PACRG: variants seen among roughly 807,000 people sequenced by gnomAD.
PACRG encodes parkin coregulated, also known as parkin coregulated gene protein.
In PACRG, 29 loss-of-function variants were observed where a neutral mutation model predicts 29.7. The ratio of observed to expected loss-of-function variants is 0.98; its 90% CI spans 0.73 to 1.33. The LOEUF (loss-of-function observed/expected upper bound fraction) is 1.33, where lower values mean the gene tolerates loss of function less well. Among genes scored for constraint, PACRG ranks in the 40% most tolerant of loss-of-function variants. The pLI is 0.00. For synonymous variants in PACRG, 116 were observed against 118.7 expected, an observed-to-expected ratio of 0.98 and a Z score of 0.15; for missense variants, 279 against 316.2, an observed-to-expected ratio of 0.88 and a Z score of 0.89.
chr6:163,126,035 T>C (rs908009786), intron 4 of PACRG, among the ~76,000 whole-genome samples: 1 of 152,242 alleles, frequency 6.6e-6, no homozygotes, highest in Non-Finnish European at 1.5e-5. Flanking sequence ...ATCTGACAGA[T>C]GGTCTGTGTG....
intron 4 of PACRG, among the ~76,000 whole-genome samples, chr6:163,183,708 T>C (rs1397311159): frequency 1.3e-5 from 2 of 152,244 alleles, no homozygotes; most frequent in Non-Finnish European, 2.9e-5. Context: ...GACTAAAGAA[T>C]TGTAAAACTT....
intron 2 of PACRG, among the ~76,000 whole-genome samples, chr6:162,933,316 T>C (rs1797989704): frequency 6.6e-6 from 1 of 152,148 alleles, no homozygotes; most frequent in Non-Finnish European, 1.5e-5. Context: ...GAAGAATGTG[T>C]ATATTACAGT....
chr6:163,135,031 A>G (rs1816873040), intron 4 of PACRG, among the ~76,000 whole-genome samples: 1 of 152,170 alleles, frequency 6.6e-6, no homozygotes, highest in Non-Finnish European at 1.5e-5. Context: ...TACTCTCAGT[A>G]TATATATCTG....
chr6:163,165,449 A>G (rs550419280), intron 4 of PACRG: 15 of 152,508 alleles, frequency 9.8e-5, no homozygotes, highest in African/African-American at 3.6e-4. Context: ...GGGGAGTGAC[A>G]TCACTCATCC....
chr6:163,151,024 T>A (rs1426514916), intron 4 of PACRG, among the ~76,000 whole-genome samples: 1 of 152,200 alleles, frequency 6.6e-6, no homozygotes, highest in Non-Finnish European at 1.5e-5. Context: ...TTATTTTTGA[T>A]GAGGAACCAT....
At chr6:163,058,776 T>G (rs1254507480) in intron 2 of PACRG, among the ~76,000 whole-genome samples, 1 of 152,172 alleles carries the variant, frequency 6.6e-6, no homozygotes, top group Non-Finnish European at 1.5e-5. Flanking sequence ...GGCAGGCACC[T>G]GTGGTCCCAG....
chr6:163,036,510 T>G (rs774439776), intron 2 of PACRG, among the ~76,000 whole-genome samples: 2 of 152,230 alleles, frequency 1.3e-5, no homozygotes, highest in Non-Finnish European at 2.9e-5. Context: ...CCCCTTTCAG[T>G]TGGCAAAGAA....
chr6:163,251,727 A>G (rs78419991), intron 4 of PACRG, among the ~76,000 whole-genome samples: 1,830 of 152,320 alleles, frequency 0.012, 38 homozygotes, highest in African/African-American at 0.042. Context: ...TTGGCATGCA[A>G]TGTAAAATAC....
upstream of PACRG, chr6:162,727,776 C>G: frequency 8.4e-7 from 1 of 1,186,368 alleles, no homozygotes; most frequent in Non-Finnish European, 1.2e-6. Flanking sequence ...TCCAGGCCTC[C>G]CCGCCCCCGC....
intron 1 of PACRG, among the ~76,000 whole-genome samples, chr6:162,791,670 C>T (rs569897888): frequency 5.3e-5 from 8 of 152,206 alleles, no homozygotes; most frequent in Non-Finnish European, 8.8e-5. Flanking sequence ...TCCACGTGGG[C>T]GCTTTTGCTT....
chr6:162,849,723 C>T (rs1790703072), intron 2 of PACRG, among the ~76,000 whole-genome samples: 1 of 152,112 alleles, frequency 6.6e-6, no homozygotes. Flanking sequence ...ATCATAGTGG[C>T]AAATTAGACT....
At chr6:162,943,767 C>T (rs982743899) in intron 2 of PACRG, among the ~76,000 whole-genome samples, 7 of 152,208 alleles carry the variant, frequency 4.6e-5, no homozygotes, top group Non-Finnish European at 7.4e-5. Context: ...GACAGGCTTA[C>T]CCAACCTGCC....
intron 4 of PACRG, 114 bp downstream of exon 4, chr6:163,089,522 C>A: frequency 4.7e-6 from 6 of 1,275,898 alleles, no homozygotes; most frequent in Non-Finnish European, 6.5e-6. Flanking sequence ...AACCATGATC[C>A]ATTTGGAGAT....
rs557871441 is a variant in PACRG at position 163,063,719 on chromosome 6, C to G, written c.463+1398C>G. 2.0e-5 allele frequency among the ~76,000 whole-genome samples: 3 copies of G among 152,132 alleles called. No homozygotes were observed. The East Asian group carries it at 5.8e-4, about 30-fold the overall frequency. ...CACACCACATTTCCACCATGACAGA[C>G]AGTGAAACCAAACCAAAGGACGGTG... On this transcript the variant is annotated intron_variant, in intron 3 of 4. Transcript: ENST00000366888.
At chr6:162,816,355 T>C (rs1352850540) in intron 2 of PACRG, among the ~76,000 whole-genome samples, 1 of 152,144 alleles carries the variant, frequency 6.6e-6, no homozygotes, top group Non-Finnish European at 1.5e-5. Context: ...TTTTTTATTT[T>C]ATTTATTTAT....
intron 2 of PACRG, among the ~76,000 whole-genome samples, chr6:163,011,549 G>T (rs1180806895): frequency 1.3e-5 from 2 of 152,084 alleles, no homozygotes; most frequent in Non-Finnish European, 2.9e-5. Context: ...GAGGGCCTAG[G>T]GTATCACTGT....
intron 2 of PACRG, among the ~76,000 whole-genome samples, chr6:163,047,414 C>G (rs1562864463): frequency 6.6e-6 from 1 of 152,140 alleles, no homozygotes; most frequent in African/African-American, 2.4e-5. Flanking sequence ...TTAGGAAATT[C>G]CTTTAACTAT....
rs116831825 is a variant in PACRG, at chr6:163,259,851, G to A, written c.614-54976G>A. Among the ~76,000 whole-genome samples the A allele has an allele frequency of 8.1e-3, 1,234 of 152,178 alleles. 19 individuals are homozygous for A. The highest frequency in any genetic ancestry group is 0.029 in the African/African-American group (1,191 of 41,496). ...CTATAGGAGACCTCCCATCCGCCCCGCTCCACCCCCAGAGGCTGAGGGATG... is the reference window on the plus strand; with the variant it reads ...CTATAGGAGACCTCCCATCCGCCCCACTCCACCCCCAGAGGCTGAGGGATG... On this transcript the variant is annotated intron_variant, in intron 4 of 4. Transcript: ENST00000366888.
chr6:163,036,198 G>T (rs528051126), intron 2 of PACRG, among the ~76,000 whole-genome samples: 2 of 152,290 alleles, frequency 1.3e-5, no homozygotes, highest in Non-Finnish European at 2.9e-5. Context: ...TTATTTTGTG[G>T]ATTTTTAAAA....
Sources: gnomAD v4.1 joint callset for allele counts (sites outside exome capture counted in the v4.1 genomes callset) on GRCh38, gnomAD v4.1.1 for gene constraint, MANE v1.5 for transcripts, NCBI Gene and HGNC (gene_info 2026-07-23, HGNC 2026-07-21) for gene names.